Variants in TSG101 observed in about 807,000 individuals in gnomAD.
The protein encoded by TSG101 is tumor susceptibility 101, also known as tumor susceptibility gene 101 protein.
In TSG101, 19 loss-of-function variants were observed where a neutral mutation model predicts 48.5. The observed-to-expected ratio is 0.39, with a 90% CI of 0.27 to 0.58. TSG101 has a LOEUF of 0.58. Among genes scored for constraint, TSG101 ranks in the 20% least tolerant of loss-of-function variants. The probability of loss-of-function intolerance (pLI) is 0.55; values close to 1 mark genes in which losing one functional copy is unlikely to be tolerated. For missense variants in TSG101, 365 were observed against 484.4 expected, an observed-to-expected ratio of 0.75 and a Z score of 2.31; for synonymous variants, 174 against 169.4, an observed-to-expected ratio of 1.03 and a Z score of -0.21.
At chr11:18,512,599 T>C (rs995640699) in intron 4 of TSG101, among the ~76,000 whole-genome samples, 3 of 152,176 alleles carry the variant, frequency 2.0e-5, no homozygotes, top group Non-Finnish European at 4.4e-5. Context: ...ATATAAATTG[T>C]ATGCTAGACA....
chr11:18,511,770 T>G (rs974756642), intron 4 of TSG101, among the ~76,000 whole-genome samples: 1 of 152,182 alleles, frequency 6.6e-6, no homozygotes, highest in Admixed American at 6.5e-5. Flanking sequence ...AAAGAAACCC[T>G]GTACTCATTA....
chr11:18,516,212 TC>T (rs1339754369), intron 2 of TSG101, 48 bp from the exon 3 acceptor site: 2 of 1,518,604 alleles, frequency 1.3e-6, no homozygotes, highest in Non-Finnish European at 1.8e-6. Flanking sequence ...TTTAAGATAC[TC>T]CCATAAGTTA....
intron 7 of TSG101, among the ~76,000 whole-genome samples, chr11:18,492,805 GAAAGT>G (rs1228499943): frequency 2.0e-5 from 3 of 148,400 alleles, no homozygotes; most frequent in African/African-American, 7.4e-5. Context: ...TCTGAAATAA[GAAAGT>G]AAAAAAAGAA....
At chr11:18,497,914 G>T (rs1673540889) in intron 7 of TSG101, among the ~76,000 whole-genome samples, 1 of 152,066 alleles carries the variant, frequency 6.6e-6, no homozygotes, top group Non-Finnish European at 1.5e-5. Flanking sequence ...TGGGGTGGGG[G>T]GATGACATTT....
chr11:18,512,928 A>G (rs1850112893), intron 4 of TSG101, among the ~76,000 whole-genome samples: 1 of 151,786 alleles, frequency 6.6e-6, no homozygotes, highest in Non-Finnish European at 1.5e-5. Flanking sequence ...GGATTTCACC[A>G]TGTTGGCCAG....
intron 9 of TSG101, 92 bp downstream of exon 9, chr11:18,481,538 A>G: frequency 2.0e-6 from 3 of 1,520,150 alleles, no homozygotes; most frequent in Non-Finnish European, 2.6e-6. Context: ...CTTAATCCAT[A>G]CTACAAAGAA....
At chr11:18,482,123 T>C (rs770829710) in intron 8 of TSG101, among the ~76,000 whole-genome samples, 8 of 152,218 alleles carry the variant, frequency 5.3e-5, no homozygotes, top group Non-Finnish European at 1.2e-4. Flanking sequence ...TTGTCACCTG[T>C]CAGCGACAAA....
At chr11:18,519,631 A>C in intron 1 of TSG101, 28 bp from the exon 2 acceptor site, 1 of 1,531,334 alleles carries the variant, frequency 6.5e-7, no homozygotes, top group Non-Finnish European at 9.0e-7. Context: ...ATAAGAATTT[A>C]GTTTAAAACC....
At chr11:18,491,775 T>C (rs1231667034) in intron 7 of TSG101, among the ~76,000 whole-genome samples, 1 of 152,258 alleles carries the variant, frequency 6.6e-6, no homozygotes, top group East Asian at 1.9e-4. Flanking sequence ...GAGTATTTTC[T>C]TACCTAATCA....
At chr11:18,507,032 T>C (rs1034269966) in intron 5 of TSG101, 109 bp from the exon 6 acceptor site, 22 of 729,330 alleles carry the variant, frequency 3.0e-5, no homozygotes, top group Non-Finnish European at 3.6e-5. Flanking sequence ...ATTTCACAGT[T>C]AAAAAATCCA....
chr11:18,490,153 T>TA, intron 7 of TSG101: 1 of 203,806 alleles, frequency 4.9e-6, no homozygotes, highest in Non-Finnish European at 1.1e-5. Context: ...AAAGTCAACA[T>TA]ACAATTATTT....
intron 6 of TSG101, among the ~76,000 whole-genome samples, chr11:18,504,113 A>G (rs1849930866): frequency 6.6e-6 from 1 of 151,108 alleles, no homozygotes; most frequent in South Asian, 2.1e-4. Context: ...AAGTTGAAAG[A>G]TCACCTGAGC....
In TSG101 at chr11:18,480,518, G is replaced by C. The variant is rs751912774; in HGVS notation, c.*28C>G. On this transcript the variant is annotated 3_prime_UTR_variant, in exon 10 of 10. Coordinates refer to ENST00000251968, the MANE Select transcript of TSG101 (RefSeq NM_006292.4). Reference sequence around the variant, plus strand: ...GGAAGAGAAGAATACTTTAAGAAGAGCTCAACCTCCAGCTGGTATCAGAGA... The same window carrying C: ...GGAAGAGAAGAATACTTTAAGAAGACCTCAACCTCCAGCTGGTATCAGAGA... 27 of 1,587,594 alleles carry C rather than the reference G, an allele frequency of 1.7e-5. No individual in the cohort carries two copies. Among genetic ancestry groups the C allele is most frequent in the South Asian group, 8.9e-5 (8 of 89,610 alleles).
chr11:18,482,323 G>A (rs1196396748), intron 8 of TSG101, among the ~76,000 whole-genome samples: 3 of 152,176 alleles, frequency 2.0e-5, no homozygotes, highest in Non-Finnish European at 2.9e-5. Context: ...AGTATCACAC[G>A]CAGGTGCTGG....
intron 1 of TSG101, among the ~76,000 whole-genome samples, chr11:18,521,771 G>C (rs1259742229): frequency 1.4e-5 from 2 of 142,582 alleles, no homozygotes; most frequent in Non-Finnish European, 3.0e-5. Context: ...CCACCTCCCA[G>C]GCTCAAGCAA....
At position 18,506,869 on chromosome 11, in the gene TSG101, G is replaced by A; in HGVS notation, c.536C>T (p.Pro179Leu). 1 of 1,598,052 alleles carries A rather than the reference G, an allele frequency of 6.3e-7. No individual in the cohort carries two copies. Among genetic ancestry groups the A allele is most frequent in the Non-Finnish European group, 8.5e-7 (1 of 1,170,748 alleles). Residue 179 changes from proline to leucine, a missense_variant, in exon 6 of 10, where the codon CCT becomes CTT. Transcript: ENST00000251968. ...CGTTTTTCATTACCTGGGATTGGGA[G>A]GGTATCCGGATGGGTATGGAGAGAT... Reference protein sequence around the residue: ...GGISPYPSGYPPNPSGYPGCP... With the variant: ...GGISPYPSGYLPNPSGYPGCP...
intron 1 of TSG101, among the ~76,000 whole-genome samples, chr11:18,519,932 C>T (rs1850241353): frequency 6.6e-6 from 1 of 152,058 alleles, no homozygotes; most frequent in South Asian, 2.1e-4. Flanking sequence ...ATTCACATAC[C>T]ATATAATTCA....
At chr11:18,505,971 C>T (rs1849965317) in intron 6 of TSG101, among the ~76,000 whole-genome samples, 1 of 152,090 alleles carries the variant, frequency 6.6e-6, no homozygotes, top group Non-Finnish European at 1.5e-5. Context: ...GCATGTGCCA[C>T]CATGCCTGGC....
intron 7 of TSG101, among the ~76,000 whole-genome samples, chr11:18,489,906 G>A (rs1471435892): frequency 2.6e-5 from 4 of 152,092 alleles, no homozygotes; most frequent in Non-Finnish European, 1.5e-5. Context: ...TTTCCAAAAA[G>A]TTACACATAA....
Sources: gnomAD v4.1 joint callset for allele counts (sites outside exome capture counted in the v4.1 genomes callset) on GRCh38, gnomAD v4.1.1 for gene constraint, MANE v1.5 for transcripts, NCBI Gene and HGNC (gene_info 2026-07-23, HGNC 2026-07-21) for gene names.